DRAM1: variants seen among roughly 807,000 people sequenced by gnomAD.
The protein encoded by DRAM1 is DNA damage regulated autophagy modulator 1.
Under a neutral mutation model 28.5 loss-of-function variants are expected in DRAM1, and 25 were observed. The observed-to-expected ratio is 0.88, with a 90% confidence interval of 0.64 to 1.23. The LOEUF (loss-of-function observed/expected upper bound fraction) is 1.23, where lower values mean the gene tolerates loss of function less well. Ranked by LOEUF, DRAM1 falls within the 50% of genes most tolerant of loss-of-function variation. The pLI is 0.00. For missense variants in DRAM1, 249 were observed against 299.2 expected (o/e 0.83, Z 1.24); for synonymous variants, 113 against 114.2 (o/e 0.99, Z 0.07).
intron 1 of DRAM1, among the ~76,000 whole-genome samples, chr12:101,885,194 G>A (rs574331323): frequency 1.3e-5 from 2 of 152,168 alleles, no homozygotes; most frequent in East Asian, 1.9e-4. Context: ...GATAACAGGC[G>A]TGAGCCACCA....
At chr12:101,896,220 T>C (rs1222312331) in intron 1 of DRAM1, among the ~76,000 whole-genome samples, 1 of 152,230 alleles carries the variant, frequency 6.6e-6, no homozygotes, top group Non-Finnish European at 1.5e-5. Flanking sequence ...GTTTAAATAC[T>C]AAGTGTTCGC....
chr12:101,910,315 T>A (rs901045034), intron 4 of DRAM1, among the ~76,000 whole-genome samples: 1 of 152,160 alleles, frequency 6.6e-6, no homozygotes, highest in African/African-American at 2.4e-5. Context: ...GTAAAATTCA[T>A]AATAGTGGTT....
At chr12:101,909,670 A>C (rs950323422) in intron 4 of DRAM1, among the ~76,000 whole-genome samples, 55 of 152,306 alleles carry the variant, frequency 3.6e-4, no homozygotes, top group African/African-American at 1.2e-3. Context: ...TTCATTTTCA[A>C]AATGAAATCC....
intron 3 of DRAM1, among the ~76,000 whole-genome samples, chr12:101,905,757 T>TTTTATTTA (rs141269206): frequency 0.057 from 8,359 of 147,452 alleles, 343 homozygotes; most frequent in African/African-American, 0.11. Flanking sequence ...GCCCATCTGA[T>TTTTATTTA]TTTATTTATT....
chr12:101,892,705 C>G (rs1269998789), intron 1 of DRAM1, among the ~76,000 whole-genome samples: 1 of 152,096 alleles, frequency 6.6e-6, no homozygotes, highest in Non-Finnish European at 1.5e-5. Context: ...TGCTTTGTCA[C>G]TTAGTGGAAT....
rs61325494 is a variant in DRAM1, at chr12:101,895,566, A to ATTTTTGGTTTT, written c.132-2292_132-2291insGGTTTTTTTTT. 2.7e-3 allele frequency among the ~76,000 whole-genome samples: 276 copies of ATTTTTGGTTTT among 103,368 alleles called. 23 individuals are homozygous for ATTTTTGGTTTT. Among genetic ancestry groups the ATTTTTGGTTTT allele is most frequent in the African/African-American group, 5.5e-3 (137 of 24,992 alleles). 67.8% of individuals were successfully genotyped at this position (103,368 alleles called of 152,430 possible). ...AAAGGCATTTGCTGTAAGGGAGGCT[A>ATTTTTGGTTTT]TTTTTTTTTTTTTTTTTTTTTTGAG... On this transcript the variant is annotated intron_variant, in intron 1 of 6. Transcript: ENST00000258534.
At chr12:101,884,383 A>AAAAAAAAAAAG (rs1566119761) in intron 1 of DRAM1, among the ~76,000 whole-genome samples, 1 of 151,290 alleles carries the variant, frequency 6.6e-6, no homozygotes, top group African/African-American at 2.4e-5. Flanking sequence ...AAAAAAAAAA[A>AAAAAAAAAAAG]AAAAAAAAGA....
At chr12:101,914,272 G>A (rs376472149) in intron 5 of DRAM1, 40 bp downstream of exon 5, 39 of 1,539,570 alleles carry the variant, frequency 2.5e-5, no homozygotes, top group Admixed American at 7.3e-5. Context: ...GTCGGACGTG[G>A]TTATGTGAGC....
intron 1 of DRAM1, among the ~76,000 whole-genome samples, chr12:101,879,425 G>A (rs1220784860): frequency 6.6e-6 from 1 of 152,160 alleles, no homozygotes; most frequent in Non-Finnish European, 1.5e-5. Flanking sequence ...CTGGCCTTTC[G>A]GTTTTTTCCA....
In DRAM1 at chr12:101,892,885, C is replaced by T. The variant is rs1446802138; in HGVS notation, c.132-4978C>T. ...ATGAATGAGTAAATTCTATAGCTAT[C>T]TGTGGAGTTAAAAGAAAAAAACTTT... On this transcript the variant is annotated intron_variant, in intron 1 of 6. Coordinates refer to ENST00000258534, the MANE Select transcript of DRAM1 (RefSeq NM_018370.3). Among the ~76,000 whole-genome samples the T allele has an allele frequency of 5.9e-5, 9 of 152,036 alleles. 1 individual carries two copies. Among genetic ancestry groups the T allele is most frequent in the Admixed American group, 5.3e-4 (8 of 15,232 alleles).
At chr12:101,878,854 C>T (rs1872589272) in intron 1 of DRAM1, among the ~76,000 whole-genome samples, 1 of 152,050 alleles carries the variant, frequency 6.6e-6, no homozygotes. Context: ...GTCTTCTTCC[C>T]TGCAGCCATT....
intron 4 of DRAM1, among the ~76,000 whole-genome samples, chr12:101,910,714 G>A (rs912710775): frequency 6.6e-6 from 1 of 151,594 alleles, no homozygotes; most frequent in Non-Finnish European, 1.5e-5. Context: ...CCTGAACTCA[G>A]GTGATCCACC....
intron 1 of DRAM1, among the ~76,000 whole-genome samples, chr12:101,896,183 C>T (rs998586335): frequency 1.4e-4 from 21 of 152,344 alleles, no homozygotes; most frequent in African/African-American, 3.8e-4. Flanking sequence ...CCACTGTGCC[C>T]GGCCCTATTA....
chr12:101,910,667 G>A (rs990262066), intron 4 of DRAM1, among the ~76,000 whole-genome samples: 1 of 151,438 alleles, frequency 6.6e-6, no homozygotes, highest in African/African-American at 2.4e-5. Context: ...TAGTAGAGAC[G>A]GGGGTTTCAC....
chr12:101,882,107 A>ATTTTTTTTTTTTTTT (rs78402038), intron 1 of DRAM1, among the ~76,000 whole-genome samples: 6 of 129,532 alleles, frequency 4.6e-5, no homozygotes, highest in Non-Finnish European at 5.0e-5. Flanking sequence ...TGATGGTCTA[A>ATTTTTTTTTTTTTTT]TTTTTTTTTT....
At chr12:101,912,977 C>T (rs928388269) in intron 4 of DRAM1, among the ~76,000 whole-genome samples, 4 of 152,210 alleles carry the variant, frequency 2.6e-5, no homozygotes, top group African/African-American at 9.6e-5. Context: ...ATTCGCCTGC[C>T]TCAGCCTCCC....
At chr12:101,888,714 C>A (rs938730149) in intron 1 of DRAM1, among the ~76,000 whole-genome samples, 4 of 150,062 alleles carry the variant, frequency 2.7e-5, no homozygotes, top group Non-Finnish European at 5.9e-5. Flanking sequence ...TCTATTTTTC[C>A]TTTTAAAAGG....
At chr12:101,879,020 A>G (rs759315283) in intron 1 of DRAM1, among the ~76,000 whole-genome samples, 8 of 151,808 alleles carry the variant, frequency 5.3e-5, no homozygotes, top group Non-Finnish European at 1.2e-4. Context: ...TTTGAGACAG[A>G]GTCTTGTTCT....
intron 4 of DRAM1, among the ~76,000 whole-genome samples, chr12:101,908,866 A>T (rs1873923949): frequency 6.6e-6 from 1 of 150,484 alleles, no homozygotes; most frequent in Non-Finnish European, 1.5e-5. Context: ...TGTCTTAGCA[A>T]AGCTTGACAC....
Sources: gnomAD v4.1 joint callset for allele counts (sites outside exome capture counted in the v4.1 genomes callset) on GRCh38, gnomAD v4.1.1 for gene constraint, MANE v1.5 for transcripts, NCBI Gene and HGNC (gene_info 2026-07-23, HGNC 2026-07-21) for gene names.